KCNH7: variants seen among roughly 807,000 people sequenced by gnomAD.
KCNH7 encodes voltage-gated inwardly rectifying potassium channel KCNH7.
Under a neutral mutation model 120.8 loss-of-function variants are expected in KCNH7, and 49 were observed. The observed-to-expected ratio is 0.41, with a 90% confidence interval of 0.32 to 0.51. The LOEUF (loss-of-function observed/expected upper bound fraction) is 0.51, where lower values mean the gene tolerates loss of function less well. Ranked by LOEUF, KCNH7 falls within the 20% of genes least tolerant of loss-of-function variation. The probability of loss-of-function intolerance (pLI) is 0.38; values close to 1 mark genes in which losing one functional copy is unlikely to be tolerated. For missense variants in KCNH7, 1,097 were observed against 1,446.6 expected, an observed-to-expected ratio of 0.76 and a Z score of 3.92; for synonymous variants, 547 against 516.1, an observed-to-expected ratio of 1.06 and a Z score of -0.81.
chr2:162,804,197 T>C (rs1193695579), intron 2 of KCNH7, among the ~76,000 whole-genome samples: 1 of 151,686 alleles, frequency 6.6e-6, no homozygotes, highest in Non-Finnish European at 1.5e-5. Flanking sequence ...GATGCCCACT[T>C]TCACCACTTC....
chr2:162,799,138 G>C (rs1324968181), intron 2 of KCNH7, among the ~76,000 whole-genome samples: 1 of 151,918 alleles, frequency 6.6e-6, no homozygotes, highest in Non-Finnish European at 1.5e-5. Flanking sequence ...ATTTTTTTAA[G>C]TAGTAGGCAA....
At chr2:162,630,835 T>C (rs557517047) in intron 2 of KCNH7, among the ~76,000 whole-genome samples, 1 of 152,066 alleles carries the variant, frequency 6.6e-6, no homozygotes, top group Non-Finnish European at 1.5e-5. Context: ...GCTAAAGTTT[T>C]AATCTTAATG....
Position 162,554,225 on chromosome 2 carries a change from G to A in KCNH7, c.308-17145C>T, listed in dbSNP as rs1042655211. On this transcript the variant is annotated intron_variant, in intron 2 of 15. Transcript: ENST00000332142. ...TTTGGTAAAATCAAGACAACATATTGGGCATGTTTGACTCATCTCCTCCTT... is the reference window on the plus strand; with the variant it reads ...TTTGGTAAAATCAAGACAACATATTAGGCATGTTTGACTCATCTCCTCCTT... Among the ~76,000 whole-genome samples, 7 of 152,090 alleles carry A rather than the reference G, an allele frequency of 4.6e-5. No homozygotes were observed. In the East Asian group the frequency reaches 5.8e-4, roughly 13 times the overall value.
chr2:162,726,541 T>C (rs1687527301), intron 2 of KCNH7, among the ~76,000 whole-genome samples: 1 of 152,088 alleles, frequency 6.6e-6, no homozygotes, highest in Admixed American at 6.6e-5. Flanking sequence ...TCCCTCAGCC[T>C]CCTGAGAAGC....
chr2:162,686,639 C>T (rs1685902761), intron 2 of KCNH7, among the ~76,000 whole-genome samples: 1 of 152,062 alleles, frequency 6.6e-6, no homozygotes, highest in Non-Finnish European at 1.5e-5. Context: ...AAGTTGCATG[C>T]CTTAAGAGAA....
rs374725275 is a variant in KCNH7, at chr2:162,394,521, T to G, written c.2614-36A>C. The G allele has an allele frequency of 3.0e-5, 36 of 1,209,050 alleles. No individual in the cohort carries two copies. In the African/African-American group the frequency reaches 4.5e-4, roughly 15 times the overall value. The allele number at this position is 1,209,050 out of a possible 1,614,324, so 74.9% of individuals were successfully genotyped here. On this transcript the variant is annotated intron_variant, in intron 11 of 15. Transcript: ENST00000332142. ...GGAACATGAAGATAAAATGAAAGAT[T>G]ACTGAATTAGAACACAATGTACTAT... is the stretch of plus-strand genomic sequence containing the variant.
intron 2 of KCNH7, among the ~76,000 whole-genome samples, chr2:162,640,944 C>T (rs1240209283): frequency 6.6e-6 from 1 of 151,922 alleles, no homozygotes; most frequent in African/African-American, 2.4e-5. Flanking sequence ...ACCTCATTAG[C>T]CATTAGGGAA....
intron 2 of KCNH7, among the ~76,000 whole-genome samples, chr2:162,589,366 G>GC (rs1257344244): frequency 2.0e-5 from 3 of 152,056 alleles, no homozygotes; most frequent in African/African-American, 7.2e-5. Context: ...TAGCTTAGAT[G>GC]CATTGCCATG....
chr2:162,601,629 A>T (rs914305629), intron 2 of KCNH7, among the ~76,000 whole-genome samples: 1 of 151,928 alleles, frequency 6.6e-6, no homozygotes, highest in African/African-American at 2.4e-5. Flanking sequence ...TTAATAATCC[A>T]TACAATTATC....
chr2:162,371,728 C>G lies in KCNH7; in HGVS notation c.*101G>C, dbSNP rs183509596. ...TACAGTACTTTTGCATATAATGGTA[C>G]CTTGTGAGCCCCTGAGTCAAGTAGA... is the stretch of plus-strand genomic sequence containing the variant. On this transcript the variant is annotated 3_prime_UTR_variant, in exon 16 of 16. Transcript: ENST00000332142. The G allele has an allele frequency of 2.8e-5, 32 of 1,130,102 alleles. No homozygotes were observed. The highest frequency in any genetic ancestry group is 2.2e-4 in the African/African-American group (14 of 63,700). 70.0% of individuals were successfully genotyped at this position (1,130,102 alleles called of 1,614,324 possible).
At chr2:162,656,647 T>G (rs1332496218) in intron 2 of KCNH7, among the ~76,000 whole-genome samples, 1 of 152,192 alleles carries the variant, frequency 6.6e-6, no homozygotes, top group East Asian at 1.9e-4. Context: ...CACTACATTT[T>G]GGTTGACATG....
At chr2:162,772,900 G>T (rs978840183) in intron 2 of KCNH7, among the ~76,000 whole-genome samples, 1 of 152,124 alleles carries the variant, frequency 6.6e-6, no homozygotes. Flanking sequence ...AAACAAAAAG[G>T]TCTAGTTTCC....
chr2:162,676,128 G>A (rs1685521949), intron 2 of KCNH7, among the ~76,000 whole-genome samples: 1 of 151,342 alleles, frequency 6.6e-6, no homozygotes, highest in South Asian at 2.1e-4. Flanking sequence ...AAATTAACTT[G>A]AATGCCTAAA....
intron 2 of KCNH7, among the ~76,000 whole-genome samples, chr2:162,685,735 G>A (rs1414510596): frequency 1.3e-5 from 2 of 151,946 alleles, no homozygotes; most frequent in African/African-American, 4.8e-5. Context: ...AAGTCAGAGT[G>A]GGAAGTTAGG....
chr2:162,570,146 TA>T (rs1363695145), intron 2 of KCNH7, among the ~76,000 whole-genome samples: 3 of 149,610 alleles, frequency 2.0e-5, no homozygotes, highest in East Asian at 3.9e-4. Context: ...AGTCTCCCAT[TA>T]TTAATGTGTG....
intron 2 of KCNH7, among the ~76,000 whole-genome samples, chr2:162,619,444 C>T (rs1683263415): frequency 1.4e-5 from 2 of 145,200 alleles, no homozygotes; most frequent in Non-Finnish European, 3.0e-5. Context: ...CCCCTTGGTC[C>T]AGGACACTCA....
chr2:162,602,327 G>C (rs564074975), intron 2 of KCNH7, among the ~76,000 whole-genome samples: 10 of 152,174 alleles, frequency 6.6e-5, no homozygotes, highest in Admixed American at 5.9e-4. Flanking sequence ...AAAGTCTGAG[G>C]CATGGTGGCT....
intron 10 of KCNH7, among the ~76,000 whole-genome samples, chr2:162,398,572 A>C (rs2105441263): frequency 6.6e-6 from 1 of 152,022 alleles, no homozygotes; most frequent in African/African-American, 2.4e-5. Flanking sequence ...GTTTTTAAAA[A>C]AGACCTGAAT....
At chr2:162,806,688 GC>G (rs1187930804) in intron 2 of KCNH7, among the ~76,000 whole-genome samples, 3 of 152,090 alleles carry the variant, frequency 2.0e-5, no homozygotes, top group African/African-American at 7.2e-5. Context: ...TTCTAATCTG[GC>G]AATGATAACT....
Sources: allele counts gnomAD v4.1 joint callset (sites outside exome capture counted in the v4.1 genomes callset), GRCh38; gene constraint gnomAD v4.1.1; transcripts MANE v1.5; gene names NCBI Gene and HGNC (gene_info 2026-07-23, HGNC 2026-07-21).